The following PID1 variants were observed in gnomAD, a reference collection of about 807,000 sequenced individuals.
PID1 encodes the protein PTB-containing, cubilin and LRP1-interacting protein.
PID1 carries 10 observed loss-of-function variants against 19.1 expected under a neutral mutation model. That is an observed-to-expected ratio of 0.52 (90% confidence interval 0.32 to 0.89). The LOEUF (loss-of-function observed/expected upper bound fraction) is 0.89, where lower values mean the gene tolerates loss of function less well. Ranked by LOEUF, PID1 falls within the 40% of genes least tolerant of loss-of-function variation. The probability of loss-of-function intolerance (pLI) is 0.03; values close to 1 mark genes in which losing one functional copy is unlikely to be tolerated. For synonymous variants in PID1, 130 were observed against 116.0 expected, an observed-to-expected ratio of 1.12 and a Z score of -0.78; for missense variants, 248 against 285.3, an observed-to-expected ratio of 0.87 and a Z score of 0.94.
At chr2:229,062,184 G>A (rs1216511352) in intron 2 of PID1, among the ~76,000 whole-genome samples, 1 of 151,950 alleles carries the variant, frequency 6.6e-6, no homozygotes, top group Non-Finnish European at 1.5e-5. Flanking sequence ...AGAGAAAAAG[G>A]TTTCATCTTT....
intron 2 of PID1, among the ~76,000 whole-genome samples, chr2:229,092,026 G>A (rs542524651): frequency 2.0e-5 from 3 of 152,274 alleles, no homozygotes; most frequent in South Asian, 2.1e-4. Context: ...TACAGTGCAC[G>A]TTCAACCTCT....
rs368530714 is a variant in PID1, at chr2:229,067,105, A to C, written c.178-40997T>G. 6.6e-5 allele frequency among the ~76,000 whole-genome samples: 10 copies of C among 152,232 alleles called. No individual in the cohort carries two copies. In the South Asian group the frequency reaches 1.9e-3, roughly 28 times the overall value. ...GGGAAGCAAACACGTTCTTCTTCACATTGGGGCAGGAAGGAGAAGTGCCGA... is the reference window on the plus strand; with the variant it reads ...GGGAAGCAAACACGTTCTTCTTCACCTTGGGGCAGGAAGGAGAAGTGCCGA... On this transcript the variant is annotated intron_variant, in intron 2 of 2. Coordinates refer to ENST00000392055, the MANE Select transcript of PID1 (RefSeq NM_001100818.2).
chr2:229,232,348 C>T (rs1272431381), intron 1 of PID1, among the ~76,000 whole-genome samples: 7 of 140,400 alleles, frequency 5.0e-5, no homozygotes, highest in African/African-American at 1.8e-4. Context: ...AGGAGAATGG[C>T]CTGAACCTGT....
intron 1 of PID1, among the ~76,000 whole-genome samples, chr2:229,158,016 C>G (rs1012392976): frequency 6.6e-6 from 1 of 152,138 alleles, no homozygotes; most frequent in Non-Finnish European, 1.5e-5. Context: ...ACTGTTCCGA[C>G]AAAAACAAAA....
chr2:229,097,239 T>C (rs1694989377), intron 2 of PID1, among the ~76,000 whole-genome samples: 1 of 152,170 alleles, frequency 6.6e-6, no homozygotes, highest in Non-Finnish European at 1.5e-5. Flanking sequence ...GAGAGCATCG[T>C]AAAAGTAACA....
intron 2 of PID1, among the ~76,000 whole-genome samples, chr2:229,058,339 T>A (rs1405735103): frequency 6.6e-6 from 1 of 152,226 alleles, no homozygotes. Context: ...AACTTTCCAA[T>A]GGTCTTCCTC....
chr2:229,102,569 A>G (rs1695095233), intron 2 of PID1, among the ~76,000 whole-genome samples: 1 of 152,198 alleles, frequency 6.6e-6, no homozygotes, highest in South Asian at 2.1e-4. Context: ...TGGAAGACTG[A>G]CACCAGAAGC....
chr2:229,155,953 G>A lies in PID1; in HGVS notation c.42C>T (p.Thr14=), dbSNP rs762624653. The part of the protein sequence containing the change: ...PATERLQHFQ[T]MLKSKLNVLT... ...AGACATTCAATTTAGACTTCAGCAT[G>A]GTCTGAAAGTGCTGAAAAGCAGAAA... is the stretch of plus-strand genomic sequence containing the variant. Residue 14 remains threonine, a synonymous_variant, in exon 2 of 3, where the codon ACC becomes ACT. Transcript: ENST00000392055. 6.2e-7 allele frequency: 1 copy of A among 1,612,498 alleles called. No homozygotes were observed. The highest frequency in any genetic ancestry group is 1.1e-5 in the South Asian group (1 of 90,692).
At chr2:229,059,538 C>G (rs1471561915) in intron 2 of PID1, among the ~76,000 whole-genome samples, 1 of 152,166 alleles carries the variant, frequency 6.6e-6, no homozygotes, top group Non-Finnish European at 1.5e-5. Flanking sequence ...GTTCCACAGT[C>G]TAAGGGATGC....
intron 1 of PID1, among the ~76,000 whole-genome samples, chr2:229,262,100 C>T (rs568959198): frequency 6.6e-6 from 1 of 152,238 alleles, no homozygotes; most frequent in East Asian, 1.9e-4. Context: ...CAGGAAGAGG[C>T]AAATCACAGA....
chr2:229,178,170 A>G (rs1011827661), intron 1 of PID1, among the ~76,000 whole-genome samples: 18 of 152,224 alleles, frequency 1.2e-4, no homozygotes, highest in Non-Finnish European at 2.1e-4. Flanking sequence ...ATTTTATCAG[A>G]AGCTGAGGAA....
intron 2 of PID1, among the ~76,000 whole-genome samples, chr2:229,052,839 A>G (rs1188270503): frequency 6.6e-6 from 1 of 152,220 alleles, no homozygotes; most frequent in Non-Finnish European, 1.5e-5. Flanking sequence ...ACCAAGAATA[A>G]TTAACATAAG....
At chr2:229,153,349 A>G (rs1410894218) in intron 2 of PID1, among the ~76,000 whole-genome samples, 1 of 152,232 alleles carries the variant, frequency 6.6e-6, no homozygotes, top group East Asian at 1.9e-4. Context: ...GTGTTGGCCC[A>G]GATTCCTGAC....
chr2:229,143,030 GT>G (rs1457432063), intron 2 of PID1, among the ~76,000 whole-genome samples: 1 of 147,922 alleles, frequency 6.8e-6, no homozygotes, highest in Non-Finnish European at 1.5e-5. Flanking sequence ...AAAATGATGA[GT>G]TCATGTCCTT....
At chr2:229,128,084 G>A (rs1421310209) in intron 2 of PID1, among the ~76,000 whole-genome samples, 1 of 151,910 alleles carries the variant, frequency 6.6e-6, no homozygotes, top group Admixed American at 6.6e-5. Context: ...TTTTCCTTAC[G>A]AGATTTTAGG....
intron 1 of PID1, among the ~76,000 whole-genome samples, chr2:229,243,429 C>T (rs546407257): frequency 1.3e-4 from 20 of 152,208 alleles, no homozygotes; most frequent in African/African-American, 4.8e-4. Flanking sequence ...TAATTCCCCA[C>T]TCTGCTTTTA....
chr2:229,032,071 A>T (rs928939818), intron 2 of PID1, among the ~76,000 whole-genome samples: 3 of 152,220 alleles, frequency 2.0e-5, no homozygotes, highest in Admixed American at 6.5e-5. Flanking sequence ...CAAAATACCA[A>T]TGATTCAGTT....
chr2:229,052,829 A>G (rs1390520982), intron 2 of PID1, among the ~76,000 whole-genome samples: 1 of 152,210 alleles, frequency 6.6e-6, no homozygotes, highest in Non-Finnish European at 1.5e-5. Flanking sequence ...TTGATAGTGG[A>G]CCAAGAATAA....
intron 2 of PID1, among the ~76,000 whole-genome samples, chr2:229,096,474 G>A (rs973004408): frequency 1.3e-5 from 2 of 152,092 alleles, no homozygotes; most frequent in South Asian, 2.1e-4. Flanking sequence ...AGATGTCTCC[G>A]TTTCATACAC....
Sources: allele counts gnomAD v4.1 joint callset (sites outside exome capture counted in the v4.1 genomes callset), GRCh38; gene constraint gnomAD v4.1.1; transcripts MANE v1.5; gene names NCBI Gene and HGNC (gene_info 2026-07-23, HGNC 2026-07-21).